Variants in SNX29 observed in about 807,000 individuals in gnomAD.
SNX29 encodes sorting nexin-29.
Under a neutral mutation model 102.1 loss-of-function variants are expected in SNX29, and 78 were observed. That is an observed-to-expected ratio of 0.76 (90% CI 0.64 to 0.92). The LOEUF is 0.92. SNX29 is among the 40% of genes least tolerant of loss of function. The pLI is 0.00. For missense variants in SNX29, 1,280 were observed against 1,061.7 expected, an observed-to-expected ratio of 1.21 and a Z score of -2.86; for synonymous variants, 580 against 414.5, an observed-to-expected ratio of 1.40 and a Z score of -4.85.
chr16:12,205,159 A>G (rs1291526408), intron 14 of SNX29, among the ~76,000 whole-genome samples: 1 of 152,152 alleles, frequency 6.6e-6, no homozygotes, highest in African/African-American at 2.4e-5. Context: ...GGGAGCTTGC[A>G]GGGTAACTTT....
intron 14 of SNX29, among the ~76,000 whole-genome samples, chr16:12,249,579 T>G (rs549393672): frequency 6.6e-6 from 1 of 152,312 alleles, no homozygotes; most frequent in Admixed American, 6.5e-5. Flanking sequence ...AAGGACAGAT[T>G]GTAGAACCAG....
rs75600032 is a variant in SNX29 at position 12,266,060 on chromosome 16, C to T, written c.1679-11873C>T. 5.2e-3 allele frequency among the ~76,000 whole-genome samples: 786 copies of T among 152,108 alleles called. 7 individuals carry two copies. The highest frequency in any genetic ancestry group is 0.017 in the African/African-American group (718 of 41,470). On this transcript the variant is annotated intron_variant, in intron 14 of 20. Coordinates refer to ENST00000566228, the MANE Select transcript of SNX29 (RefSeq NM_032167.5). ...GTCCAAGAGCTGCTAGTTAGTGACA[C>T]CTATAGGGAAAAACAAATTGTGTTT...
intron 14 of SNX29, among the ~76,000 whole-genome samples, chr16:12,207,960 A>G (rs1199552054): frequency 6.6e-6 from 1 of 152,160 alleles, no homozygotes; most frequent in East Asian, 1.9e-4. Context: ...CAAGTACACA[A>G]CAGGTGCTTA....
intron 14 of SNX29, among the ~76,000 whole-genome samples, chr16:12,210,677 A>T (rs914421832): frequency 3.3e-5 from 5 of 151,614 alleles, no homozygotes; most frequent in Non-Finnish European, 5.9e-5. Context: ...TCCTTGCTTC[A>T]GGTTGTAGCC....
chr16:12,483,749 T>C (rs2088089159), intron 19 of SNX29, among the ~76,000 whole-genome samples: 1 of 152,220 alleles, frequency 6.6e-6, no homozygotes, highest in Admixed American at 6.5e-5. Context: ...CTCTGGGCTC[T>C]GCTCATCACA....
intron 13 of SNX29, among the ~76,000 whole-genome samples, chr16:12,152,603 G>A (rs940785450): frequency 5.9e-5 from 9 of 152,184 alleles, no homozygotes; most frequent in African/African-American, 1.9e-4. Flanking sequence ...GAGAGACACG[G>A]TGTTTCTGAG....
chr16:12,282,367 AAG>A (rs1443629224), intron 15 of SNX29, among the ~76,000 whole-genome samples: 4 of 152,310 alleles, frequency 2.6e-5, no homozygotes, highest in Middle Eastern at 3.4e-3. Flanking sequence ...CTGGAGAAGA[AAG>A]GGGAAAAGCA....
chr16:12,046,346 C>G, intron 5 of SNX29, 38 bp from the exon 6 acceptor site: 1 of 1,607,116 alleles, frequency 6.2e-7, no homozygotes, highest in Non-Finnish European at 8.5e-7. Context: ...CAGAGAACCA[C>G]TGCTAAGAAC....
At chr16:12,251,068 C>T (rs1194754940) in intron 14 of SNX29, among the ~76,000 whole-genome samples, 4 of 152,234 alleles carry the variant, frequency 2.6e-5, no homozygotes, top group Non-Finnish European at 5.9e-5. Flanking sequence ...CTGCGCAGGA[C>T]ATCACCAAGA....
At chr16:12,061,978 C>T (rs765235548) in intron 9 of SNX29, among the ~76,000 whole-genome samples, 10 of 152,152 alleles carry the variant, frequency 6.6e-5, no homozygotes, top group Non-Finnish European at 1.3e-4. Context: ...ATAGTGACCA[C>T]GATTTTGCCT....
At chr16:12,516,773 CCTGGGGAGGGGCCCA>C (rs1288095507) in intron 19 of SNX29, among the ~76,000 whole-genome samples, 1 of 152,204 alleles carries the variant, frequency 6.6e-6, no homozygotes, top group Admixed American at 6.5e-5. Context: ...AGGTGCGGCT[CCTGGGGAGGGGCCCA>C]CTGGGGAGCG....
intron 18 of SNX29, among the ~76,000 whole-genome samples, chr16:12,470,447 T>C (rs2087281607): frequency 6.6e-6 from 1 of 152,212 alleles, no homozygotes; most frequent in Non-Finnish European, 1.5e-5. Context: ...AATAGCACTC[T>C]TGCCCGGGAA....
Position 12,573,142 on chromosome 16 carries a change from A to T in SNX29, c.*4513A>T. On this transcript the variant is annotated 3_prime_UTR_variant, in exon 21 of 21. Coordinates refer to ENST00000566228, the MANE Select transcript of SNX29 (RefSeq NM_032167.5). ...AATCTTGATCTTGTTTCCAAAATAA[A>T]GCTTCAGCTCCTTGGTCAATAGAAG... 1 of 227,020 alleles carries T rather than the reference A, an allele frequency of 4.4e-6. No homozygotes were observed. The highest frequency in any genetic ancestry group is 8.7e-6 in the Non-Finnish European group (1 of 114,334). 14.1% of individuals were successfully genotyped at this position (227,020 alleles called of 1,614,324 possible).
chr16:12,322,767 CGTCAGGATGCAGTCAGTAGGGGGCCACT>C, intron 15 of SNX29, among the ~76,000 whole-genome samples: 1 of 147,638 alleles, frequency 6.8e-6, no homozygotes, highest in East Asian at 2.0e-4. Flanking sequence ...GGGGGACCAC[CGTCAGGATGCAGTCAGTAGGGGGCCACT>C]GTCAGGATAT....
chr16:12,161,536 G>A (rs80017040), intron 13 of SNX29, among the ~76,000 whole-genome samples: 2,741 of 152,272 alleles, frequency 0.018, 82 homozygotes, highest in African/African-American at 0.063. Flanking sequence ...CTGAAGGAGC[G>A]TAGGGTGGGC....
In SNX29 at chr16:12,027,398, G is replaced by A. The variant is rs144440846; in HGVS notation, c.201G>A (p.Ala67=). 14 of 1,613,994 alleles carry A rather than the reference G, an allele frequency of 8.7e-6. No individual in the cohort carries two copies. Among genetic ancestry groups the A allele is most frequent in the Admixed American group, 6.7e-5 (4 of 59,992 alleles). Residue 67 remains alanine (A), a synonymous_variant, in exon 4 of 21, where the codon GCG becomes GCA. Coordinates refer to ENST00000566228, the MANE Select transcript of SNX29 (RefSeq NM_032167.5). ...GGAGTCGAGGATTGGCACTCACAGC[G>A]GCAGCGATCAAGCAGGCAGCGGGCT... ...LKRSRGLALT[A]AAIKQAAGFA...
intron 11 of SNX29, among the ~76,000 whole-genome samples, chr16:12,094,897 A>G: frequency 6.6e-6 from 1 of 152,132 alleles, no homozygotes; most frequent in East Asian, 1.9e-4. Context: ...TGCATAGGTC[A>G]AGGAATGAAA....
chr16:12,074,133 T>C (rs2151318964), intron 10 of SNX29, among the ~76,000 whole-genome samples: 1 of 150,948 alleles, frequency 6.6e-6, no homozygotes, highest in South Asian at 2.1e-4. Flanking sequence ...AATTTGCCAG[T>C]CTGTGTCTTT....
chr16:12,084,229 T>C (rs959049260), intron 11 of SNX29, among the ~76,000 whole-genome samples: 1 of 151,544 alleles, frequency 6.6e-6, no homozygotes, highest in African/African-American at 2.4e-5. Context: ...CACTGAAACC[T>C]CCGCCTCCCG....
Sources: gnomAD v4.1 joint callset for allele counts (sites outside exome capture counted in the v4.1 genomes callset) on GRCh38, gnomAD v4.1.1 for gene constraint, MANE v1.5 for transcripts, NCBI Gene and HGNC (gene_info 2026-07-23, HGNC 2026-07-21) for gene names.